The following TTC7B variants were observed in gnomAD, a reference collection of about 807,000 sequenced individuals.
TTC7B encodes tetratricopeptide repeat domain 7B.
A neutral mutation model predicts 106.8 loss-of-function variants in TTC7B; 28 were observed. The ratio of observed to expected loss-of-function variants is 0.26; its 90% CI spans 0.19 to 0.36. The LOEUF (loss-of-function observed/expected upper bound fraction) is 0.36. TTC7B is among the 10% of genes least tolerant of loss of function. The pLI is 1.00. For missense variants in TTC7B, 862 were observed against 1,076.4 expected, an observed-to-expected ratio of 0.80 and a Z score of 2.79; for synonymous variants, 405 against 430.6, an observed-to-expected ratio of 0.94 and a Z score of 0.74.
intron 19 of TTC7B, among the ~76,000 whole-genome samples, chr14:90,558,317 C>T (rs914621725): frequency 6.6e-6 from 1 of 152,238 alleles, no homozygotes; most frequent in African/African-American, 2.4e-5. Flanking sequence ...GCTGCCAGGA[C>T]GACCCCAGGC....
chr14:90,701,805 T>TATATAC (rs1233832103), intron 5 of TTC7B, among the ~76,000 whole-genome samples: 1 of 149,838 alleles, frequency 6.7e-6, no homozygotes, highest in East Asian at 2.0e-4. Context: ...TGTATATATA[T>TATATAC]ATATATATAT....
chr14:90,604,057 C>T (rs1360220215), intron 17 of TTC7B, among the ~76,000 whole-genome samples: 1 of 152,184 alleles, frequency 6.6e-6, no homozygotes, highest in Non-Finnish European at 1.5e-5. Context: ...CATAAAGTGC[C>T]TCCCCTGAAG....
chr14:90,567,853 CT>C (rs1319785815), intron 19 of TTC7B: 1 of 152,260 alleles, frequency 6.6e-6, no homozygotes, highest in African/African-American at 2.4e-5. Flanking sequence ...AGGTTTCCAT[CT>C]GCAACCGGTC....
Position 90,711,745 on chromosome 14 carries a change from A to G in TTC7B, c.699-16167T>C, listed in dbSNP as rs2139968132. 1.3e-5 allele frequency among the ~76,000 whole-genome samples: 2 copies of G among 152,368 alleles called. 1 individual carries two copies. The highest frequency in any genetic ancestry group is 4.1e-4 in the South Asian group (2 of 4,832). On this transcript the variant is annotated intron_variant, in intron 5 of 19. Coordinates refer to ENST00000328459, the MANE Select transcript of TTC7B (RefSeq NM_001010854.2). ...CTGAAAACAGAAAATTTTTTCCAAA[A>G]AAATGCAGTTAAAAATCAACAGAGG... is the stretch of plus-strand genomic sequence containing the variant.
At chr14:90,679,373 C>T (rs760447461) in intron 8 of TTC7B, among the ~76,000 whole-genome samples, 1 of 152,182 alleles carries the variant, frequency 6.6e-6, no homozygotes, top group Non-Finnish European at 1.5e-5. Context: ...TGCTCAGACC[C>T]CATGTCTATA....
rs2030580944 is a variant in TTC7B at position 90,805,951 on chromosome 14, G to T, written c.121+10224C>A. Among the ~76,000 whole-genome samples the T allele has an allele frequency of 6.6e-6, 1 of 152,200 alleles. No homozygotes were observed. Among genetic ancestry groups the T allele is most frequent in the African/African-American group, 2.4e-5 (1 of 41,438 alleles). On this transcript the variant is annotated intron_variant, in intron 1 of 19. Transcript: ENST00000328459. The surrounding 1 kb of genome is among the most constrained non-coding windows in gnomAD (Gnocchi z 4.0). ...CTTCCTCCTGGTTCCTCCCATGCAG[G>T]ATAAGCAGCTGACATGCAAAGATTT...
At chr14:90,810,479 G>A (rs1195120950) in intron 1 of TTC7B, among the ~76,000 whole-genome samples, 2 of 152,198 alleles carry the variant, frequency 1.3e-5, no homozygotes, top group Non-Finnish European at 2.9e-5. Flanking sequence ...CTGGTTGGTG[G>A]CTTTAAGGAA....
intron 11 of TTC7B, 99 bp from the exon 12 acceptor site, chr14:90,655,209 A>T: frequency 1.2e-6 from 1 of 841,608 alleles, no homozygotes; most frequent in African/African-American, 1.7e-5. Flanking sequence ...CTGATGAGTC[A>T]CTTTGAAAAT....
chr14:90,760,360 G>A (rs1036173092), intron 3 of TTC7B, among the ~76,000 whole-genome samples: 3 of 152,166 alleles, frequency 2.0e-5, no homozygotes, highest in Non-Finnish European at 4.4e-5. Flanking sequence ...CTGCAGAGGT[G>A]CATGCCATAC....
intron 15 of TTC7B, among the ~76,000 whole-genome samples, chr14:90,625,121 G>C (rs1425937779): frequency 6.6e-6 from 1 of 152,182 alleles, no homozygotes; most frequent in Admixed American, 6.5e-5. Context: ...CAGGCTGAAG[G>C]GGGCAGGGGG....
chr14:90,705,637 T>C lies in TTC7B; in HGVS notation c.699-10059A>G, dbSNP rs77820239. Among the ~76,000 whole-genome samples the C allele has an allele frequency of 8.8e-3, 1,339 of 152,246 alleles. 8 individuals are homozygous for C. Among genetic ancestry groups the C allele is most frequent in the Non-Finnish European group, 0.014 (967 of 68,006 alleles). ...AGGGACTATTAGAAGGCACACACCA[T>C]GTAACCACCACCAAAAAAAATAAAG... On this transcript the variant is annotated intron_variant, in intron 5 of 19. Transcript: ENST00000328459.
At chr14:90,695,894 G>T (rs1016212683) in intron 5 of TTC7B, among the ~76,000 whole-genome samples, 1 of 150,638 alleles carries the variant, frequency 6.6e-6, no homozygotes, top group Non-Finnish European at 1.5e-5. Flanking sequence ...TATAGAGTGG[G>T]ACTGAAATCT....
At chr14:90,634,541 G>A (rs1189321816) in intron 15 of TTC7B, among the ~76,000 whole-genome samples, 1 of 152,166 alleles carries the variant, frequency 6.6e-6, no homozygotes, top group African/African-American at 2.4e-5. Context: ...GGAGGCTGTG[G>A]CGGGTGAATC....
Position 90,541,166 on chromosome 14 carries a change from T to A in TTC7B, c.*202A>T, listed in dbSNP as rs371613352. The A allele has an allele frequency of 4.1e-6, 2 of 489,716 alleles. No homozygotes were observed. The highest frequency in any genetic ancestry group is 7.3e-6 in the Non-Finnish European group (2 of 275,580). 30.3% of individuals were successfully genotyped at this position (489,716 alleles called of 1,614,324 possible). ...ATGTCAATAGGTTCAGAAACTACCA[T>A]TGGGCTGGCAAAAAAAACAAGAGAA... On this transcript the variant is annotated 3_prime_UTR_variant, in exon 20 of 20. Transcript: ENST00000328459.
intron 19 of TTC7B, among the ~76,000 whole-genome samples, chr14:90,568,904 G>A (rs1890905106): frequency 6.6e-6 from 1 of 152,160 alleles, no homozygotes; most frequent in African/African-American, 2.4e-5. Flanking sequence ...CTAAAAAAGT[G>A]CAGTTTCAAA....
chr14:90,761,351 C>T (rs1482282691), intron 3 of TTC7B, among the ~76,000 whole-genome samples: 1 of 152,168 alleles, frequency 6.6e-6, no homozygotes, highest in Non-Finnish European at 1.5e-5. Flanking sequence ...CAGGTTTTCA[C>T]ATTTCTGACA....
chr14:90,603,372 C>A, intron 17 of TTC7B: 2 of 1,121,366 alleles, frequency 1.8e-6, no homozygotes, highest in Admixed American at 2.4e-5. Context: ...AAAATTAAGA[C>A]TAAAAAAGCG....
chr14:90,563,369 C>T (rs1310082023), intron 19 of TTC7B, among the ~76,000 whole-genome samples: 1 of 152,234 alleles, frequency 6.6e-6, no homozygotes, highest in African/African-American at 2.4e-5. Flanking sequence ...GGTGTGTTTA[C>T]ACTACAGTGT....
At chr14:90,726,445 T>C (rs1170495933) in intron 5 of TTC7B, among the ~76,000 whole-genome samples, 1 of 152,082 alleles carries the variant, frequency 6.6e-6, no homozygotes, top group Non-Finnish European at 1.5e-5. Flanking sequence ...GTCATCTACT[T>C]CTCCACAAGC....
Sources: gnomAD v4.1 joint callset for allele counts (sites outside exome capture counted in the v4.1 genomes callset) on GRCh38, gnomAD v4.1.1 for gene constraint, Gnocchi (gnomAD v3.1) non-coding constraint, MANE v1.5 for transcripts, NCBI Gene and HGNC (gene_info 2026-07-23, HGNC 2026-07-21) for gene names.